RALGPS1: variants seen among roughly 807,000 people sequenced by gnomAD.
RALGPS1 encodes Ral GEF with PH domain and SH3 binding motif 1.
A neutral mutation model predicts 78.8 loss-of-function variants in RALGPS1; 19 were observed. The ratio of observed to expected loss-of-function variants is 0.24; its 90% CI spans 0.17 to 0.35. RALGPS1 has a LOEUF of 0.35. RALGPS1 is among the 10% of genes least tolerant of loss of function. The pLI, the probability that RALGPS1 is intolerant of heterozygous loss-of-function variation, is 1.00. For missense variants in RALGPS1, 454 were observed against 688.3 expected (o/e 0.66, Z 3.81); for synonymous variants, 228 against 256.3 (o/e 0.89, Z 1.06).
chr9:127,112,043 G>GGC (rs1187169904), intron 8 of RALGPS1, among the ~76,000 whole-genome samples: 1 of 152,192 alleles, frequency 6.6e-6, no homozygotes, highest in East Asian at 1.9e-4. Flanking sequence ...CTCCACCTTG[G>GGC]ACCAGCCAGT....
Position 126,962,255 on chromosome 9 carries a change from GA to G in RALGPS1, c.-34del. 6.2e-7 allele frequency: 1 copy of G among 1,612,552 alleles called. No individual in the cohort carries two copies. Among genetic ancestry groups the G allele is most frequent in the Non-Finnish European group, 8.5e-7 (1 of 1,178,736 alleles). On this transcript the variant is annotated 5_prime_UTR_variant, in exon 2 of 19. An upstream open reading frame in the 5' UTR loses its in-frame stop. Transcript: ENST00000259351. ...CTCCAGACAGGTTATGTTACCTGCA[GA>G]GGCTGCCCTGAAGCTCCCTGTGGCC...
intron 1 of RALGPS1, among the ~76,000 whole-genome samples, chr9:126,947,492 A>G (rs553604717): frequency 6.6e-6 from 1 of 152,222 alleles, no homozygotes; most frequent in Non-Finnish European, 1.5e-5. Flanking sequence ...CCAAAAAATC[A>G]GAAATCTGAA....
chr9:127,136,167 G>A (rs976710173), intron 8 of RALGPS1, among the ~76,000 whole-genome samples: 2 of 152,166 alleles, frequency 1.3e-5, no homozygotes, highest in Non-Finnish European at 2.9e-5. Flanking sequence ...ACAAATGCCC[G>A]AAGGCCCAGG....
intron 4 of RALGPS1, among the ~76,000 whole-genome samples, chr9:126,988,195 G>A (rs1174991166): frequency 1.3e-5 from 2 of 152,104 alleles, no homozygotes; most frequent in East Asian, 1.9e-4. Flanking sequence ...CAAGCCTGGC[G>A]GGGGTGAGAG....
chr9:126,965,037 A>AAG (rs1396554775), intron 2 of RALGPS1, among the ~76,000 whole-genome samples: 1 of 152,240 alleles, frequency 6.6e-6, no homozygotes, highest in Non-Finnish European at 1.5e-5. Flanking sequence ...AGTTAAATTA[A>AAG]AGAGAAAGTA....
chr9:127,193,736 A>G (rs903615475), intron 11 of RALGPS1, among the ~76,000 whole-genome samples: 1 of 152,054 alleles, frequency 6.6e-6, no homozygotes, highest in Non-Finnish European at 1.5e-5. Flanking sequence ...CTTGGGCCTT[A>G]TGGGTCCCCC....
At chr9:127,184,511 G>C (rs2060508971) in intron 11 of RALGPS1, among the ~76,000 whole-genome samples, 1 of 152,198 alleles carries the variant, frequency 6.6e-6, no homozygotes, top group Admixed American at 6.5e-5. Context: ...TCTGTGCAGA[G>C]GGGCCCCAGT....
intron 1 of RALGPS1, among the ~76,000 whole-genome samples, chr9:126,959,360 C>G (rs1432784634): frequency 6.6e-6 from 1 of 152,134 alleles, no homozygotes; most frequent in African/African-American, 2.4e-5. Flanking sequence ...CTGTGCCTGG[C>G]CCATATATCT....
chr9:126,989,561 C>T (rs747227403), intron 4 of RALGPS1, among the ~76,000 whole-genome samples: 14 of 152,072 alleles, frequency 9.2e-5, no homozygotes, highest in Non-Finnish European at 1.9e-4. Flanking sequence ...GGACCAGGTG[C>T]TCAGTGTTAG....
intron 8 of RALGPS1, among the ~76,000 whole-genome samples, chr9:127,084,285 G>A (rs2051466975): frequency 6.6e-6 from 1 of 152,132 alleles, no homozygotes; most frequent in Non-Finnish European, 1.5e-5. Flanking sequence ...CCTGTTCACT[G>A]AAGTTTCTGG....
At chr9:127,016,434 C>T (rs187401842) in intron 4 of RALGPS1, among the ~76,000 whole-genome samples, 16 of 152,274 alleles carry the variant, frequency 1.1e-4, no homozygotes, top group African/African-American at 3.6e-4. Flanking sequence ...GTAACTCCTG[C>T]AGTGGGATGG....
intron 5 of RALGPS1, among the ~76,000 whole-genome samples, chr9:127,043,480 G>GGT (rs2047494273): frequency 6.6e-6 from 1 of 151,508 alleles, no homozygotes; most frequent in Non-Finnish European, 1.5e-5. Context: ...TAGGCCTAAA[G>GGT]GTAAAAGACA....
intron 4 of RALGPS1, among the ~76,000 whole-genome samples, chr9:126,997,287 G>A (rs566741580): frequency 2.6e-5 from 4 of 152,290 alleles, no homozygotes; most frequent in Admixed American, 6.5e-5. Flanking sequence ...AAACCCCATC[G>A]TCTCAGCCCA....
chr9:126,946,079 T>A (rs2037238992), intron 1 of RALGPS1, among the ~76,000 whole-genome samples: 1 of 151,904 alleles, frequency 6.6e-6, no homozygotes, highest in African/African-American at 2.4e-5. Context: ...GATGGGAGGT[T>A]TTGGTGGCTT....
Position 127,122,308 on chromosome 9 carries a change from C to G in RALGPS1, c.611-43761C>G, listed in dbSNP as rs902323738. ...TGCCTCTCATGGCCGCAGAGCTGGCCCCTTACCTCTTCCCTCCTGCTTGGC... is the reference window on the plus strand; with the variant it reads ...TGCCTCTCATGGCCGCAGAGCTGGCGCCTTACCTCTTCCCTCCTGCTTGGC... On this transcript the variant is annotated intron_variant, in intron 8 of 18. Coordinates refer to ENST00000259351, the MANE Select transcript of RALGPS1 (RefSeq NM_014636.3). This position sits in a 1 kb window ranked among gnomAD's most constrained non-coding sequence, Gnocchi z 6.4. The G allele has an allele frequency of 1.3e-5, 2 of 152,496 alleles. No individual in the cohort carries two copies. The highest frequency in any genetic ancestry group is 4.8e-5 in the African/African-American group (2 of 41,448). The allele number at this position is 152,496 out of a possible 1,614,324, so 9.4% of individuals were successfully genotyped here. A position where few individuals can be genotyped will look rare whatever the true frequency, so the allele number is the denominator to read the frequency against.
intron 1 of RALGPS1, among the ~76,000 whole-genome samples, chr9:126,956,641 C>G (rs1349016030): frequency 1.3e-5 from 2 of 152,138 alleles, no homozygotes; most frequent in South Asian, 2.1e-4. Context: ...GACCCCTGGA[C>G]TCAGCTATGC....
intron 1 of RALGPS1, among the ~76,000 whole-genome samples, chr9:126,938,729 G>A (rs79790232): frequency 2.6e-5 from 4 of 152,262 alleles, no homozygotes; most frequent in Non-Finnish European, 5.9e-5. Context: ...TGACAGTCCA[G>A]TGAGGAAGAT....
chr9:126,986,970 G>A (rs1213428030), intron 4 of RALGPS1, among the ~76,000 whole-genome samples: 1 of 152,196 alleles, frequency 6.6e-6, no homozygotes, highest in Non-Finnish European at 1.5e-5. Flanking sequence ...CGCGGTGCCT[G>A]TACAAAGCAA....
At chr9:127,033,354 ACAGGCGTGGCCCTT>A (rs1483526386) in intron 4 of RALGPS1, among the ~76,000 whole-genome samples, 1 of 151,914 alleles carries the variant, frequency 6.6e-6, no homozygotes, top group Non-Finnish European at 1.5e-5. Context: ...GGTCTGTTTG[ACAGGCGTGGCCCTT>A]CAGACGTGAC....
Sources: allele counts gnomAD v4.1 joint callset (sites outside exome capture counted in the v4.1 genomes callset), GRCh38; gene constraint gnomAD v4.1.1; non-coding constraint Gnocchi (gnomAD v3.1); transcripts MANE v1.5; gene names NCBI Gene and HGNC (gene_info 2026-07-23, HGNC 2026-07-21).